The following CNDP1 variants were observed in gnomAD, a reference collection of about 807,000 sequenced individuals.
CNDP1 encodes carnosine dipeptidase 1.
In CNDP1, 44 loss-of-function variants were observed where a neutral mutation model predicts 58.1. The ratio of observed to expected loss-of-function variants is 0.76; its 90% CI spans 0.60 to 0.97. The LOEUF (loss-of-function observed/expected upper bound fraction) is 0.97, where lower values mean the gene tolerates loss of function less well. Among genes scored for constraint, CNDP1 ranks in the 50% least tolerant of loss-of-function variants. The pLI is 0.00. For missense variants in CNDP1, 616 were observed against 655.1 expected (o/e 0.94, Z 0.65); for synonymous variants, 254 against 252.6 (o/e 1.01, Z -0.05).
At chr18:74,543,919 T>TA (rs34335073) in intron 1 of CNDP1, among the ~76,000 whole-genome samples, 1 of 151,416 alleles carries the variant, frequency 6.6e-6, no homozygotes, top group East Asian at 1.9e-4. Flanking sequence ...TCCCCATCTC[T>TA]AAAAAAAATT....
chr18:74,537,376 G>A (rs994881363), intron 1 of CNDP1, among the ~76,000 whole-genome samples: 2 of 152,158 alleles, frequency 1.3e-5, no homozygotes, highest in Admixed American at 6.5e-5. Context: ...CCAGTTATCC[G>A]AGCATCATTT....
intron 5 of CNDP1, among the ~76,000 whole-genome samples, chr18:74,565,763 C>G (rs778093229): frequency 8.5e-5 from 13 of 152,158 alleles, no homozygotes; most frequent in Non-Finnish European, 1.6e-4. Flanking sequence ...GTGCACGGTT[C>G]AAGCTGTCAG....
At chr18:74,540,464 C>A (rs972242247) in intron 1 of CNDP1, among the ~76,000 whole-genome samples, 5 of 152,142 alleles carry the variant, frequency 3.3e-5, no homozygotes, top group Non-Finnish European at 5.9e-5. Flanking sequence ...CTGAACTCTG[C>A]CCTGAATTTC....
In CNDP1 at chr18:74,577,008, G is replaced by A. The variant is rs1396953054; in HGVS notation, c.981G>A (p.Glu327=). ...AATACCGGAATAGCAGCCGGGTTGA[G>A]AAATTTCTGTTCGATACTAAGGTAT... ...LEEYRNSSRV[E]KFLFDTKEEI... The change falls in exon 8 of 12, where the codon GAG becomes GAA. Residue 327 remains glutamate (E), a synonymous_variant. Transcript: ENST00000358821. The A allele has an allele frequency of 1.2e-6, 2 of 1,612,878 alleles. No individual in the cohort carries two copies. The highest frequency in any genetic ancestry group is 1.7e-5 in the Admixed American group (1 of 59,868).
At chr18:74,549,867 G>T (rs1002094897) in intron 1 of CNDP1, among the ~76,000 whole-genome samples, 4 of 152,194 alleles carry the variant, frequency 2.6e-5, no homozygotes, top group African/African-American at 9.6e-5. Flanking sequence ...CCCAGATACA[G>T]CTCAGGCCAC....
chr18:74,544,803 A>G (rs1056470928), intron 1 of CNDP1, among the ~76,000 whole-genome samples: 1 of 152,058 alleles, frequency 6.6e-6, no homozygotes, highest in African/African-American at 2.4e-5. Context: ...CATTCCTTCA[A>G]AAATGCCTGT....
At chr18:74,547,412 G>C (rs993911360) in intron 1 of CNDP1, among the ~76,000 whole-genome samples, 2 of 152,196 alleles carry the variant, frequency 1.3e-5, no homozygotes, top group Admixed American at 6.5e-5. Flanking sequence ...CTTTGTGGGG[G>C]GTGGAGGCAA....
chr18:74,567,112 C>A (rs1317905853), intron 5 of CNDP1, 121 bp from the exon 6 acceptor site: 1 of 756,572 alleles, frequency 1.3e-6, no homozygotes, highest in East Asian at 2.6e-5. Flanking sequence ...ATTACCTCCC[C>A]CTGGGTCCCT....
chr18:74,550,159 A>G (rs1452150363), intron 1 of CNDP1, among the ~76,000 whole-genome samples: 1 of 152,220 alleles, frequency 6.6e-6, no homozygotes, highest in Non-Finnish European at 1.5e-5. Context: ...GGGGGCCATC[A>G]TTCTCCAGAC....
intron 7 of CNDP1, among the ~76,000 whole-genome samples, chr18:74,572,257 C>T (rs1291668446): frequency 1.3e-5 from 2 of 152,092 alleles, no homozygotes; most frequent in South Asian, 2.1e-4. Context: ...GCTCAATTCA[C>T]CTACAGCTCT....
Position 74,575,282 on chromosome 18 carries a change from G to A in CNDP1, c.842-1587G>A, listed in dbSNP as rs545167647. Reference sequence around the variant, plus strand: ...GTAATTTAAAATGATGCCGAGAACAGAGGCCTGGATCGTTTTACTAGTGAG... The same window carrying A: ...GTAATTTAAAATGATGCCGAGAACAAAGGCCTGGATCGTTTTACTAGTGAG... On this transcript the variant is annotated intron_variant, in intron 7 of 11. Coordinates refer to ENST00000358821, the MANE Select transcript of CNDP1 (RefSeq NM_032649.6). 2.6e-5 allele frequency among the ~76,000 whole-genome samples: 4 copies of A among 152,350 alleles called. No individual in the cohort carries two copies. In the East Asian group the frequency reaches 7.7e-4, roughly 29 times the overall value.
At chr18:74,568,890 C>G (rs144746555) in intron 6 of CNDP1, among the ~76,000 whole-genome samples, 1 of 152,184 alleles carries the variant, frequency 6.6e-6, no homozygotes, top group African/African-American at 2.4e-5. Flanking sequence ...AAGGCTGGCC[C>G]AGGGGTTGAG....
intron 5 of CNDP1, among the ~76,000 whole-genome samples, chr18:74,565,846 G>A (rs752140321): frequency 6.6e-6 from 1 of 152,190 alleles, no homozygotes. Context: ...GCCCCACTAG[G>A]GACTTCATGT....
chr18:74,575,470 A>G (rs946550487), intron 7 of CNDP1, among the ~76,000 whole-genome samples: 12 of 152,212 alleles, frequency 7.9e-5, no homozygotes, highest in Admixed American at 6.5e-4. Flanking sequence ...CATTTATATC[A>G]GTCTACTTCC....
At chr18:74,580,830 G>A (rs1003480397) in intron 10 of CNDP1, among the ~76,000 whole-genome samples, 3 of 152,134 alleles carry the variant, frequency 2.0e-5, no homozygotes, top group African/African-American at 2.4e-5. Flanking sequence ...TTAGCTGGGC[G>A]TGGTGGCACA....
At chr18:74,557,073 A>C (rs1981062317) in intron 2 of CNDP1, among the ~76,000 whole-genome samples, 1 of 151,744 alleles carries the variant, frequency 6.6e-6, no homozygotes, top group Non-Finnish European at 1.5e-5. Flanking sequence ...CTGCCAACAC[A>C]CCTGGCTAAT....
chr18:74,571,415 G>C (rs1981476914), intron 7 of CNDP1, 145 bp downstream of exon 7: 1 of 603,708 alleles, frequency 1.7e-6, no homozygotes, highest in South Asian at 2.0e-5. Context: ...TTGGCAAACT[G>C]TTCCCTCCAC....
At chr18:74,575,456 G>A (rs1981606844) in intron 7 of CNDP1, among the ~76,000 whole-genome samples, 1 of 152,170 alleles carries the variant, frequency 6.6e-6, no homozygotes, top group African/African-American at 2.4e-5. Flanking sequence ...AGACATTTTT[G>A]TGTCATTTAT....
chr18:74,551,033 C>T (rs973735018), intron 1 of CNDP1, among the ~76,000 whole-genome samples: 9 of 152,080 alleles, frequency 5.9e-5, no homozygotes, highest in South Asian at 4.1e-4. Flanking sequence ...TGGAGTCTGG[C>T]GGGAGGTATT....
Sources: allele counts gnomAD v4.1 joint callset (sites outside exome capture counted in the v4.1 genomes callset), GRCh38; gene constraint gnomAD v4.1.1; transcripts MANE v1.5; gene names NCBI Gene and HGNC (gene_info 2026-07-23, HGNC 2026-07-21).